SIRPG: variants seen among roughly 807,000 people sequenced by gnomAD.
The protein encoded by SIRPG is signal-regulatory protein gamma.
SIRPG carries 38 observed loss-of-function variants against 35.7 expected under a neutral mutation model. The ratio of observed to expected loss-of-function variants is 1.06; its 90% CI spans 0.82 to 1.40. The LOEUF is 1.40. Ranked by LOEUF, SIRPG falls within the 40% of genes most tolerant of loss-of-function variation. The pLI is 0.00. For missense variants in SIRPG, 519 were observed against 483.0 expected (o/e 1.07, Z -0.70); for synonymous variants, 215 against 190.4 (o/e 1.13, Z -1.06).
the SIRPG span, chr20:1,671,034 AG>A: frequency 2.4e-6 from 1 of 413,542 alleles, no homozygotes; most frequent in Non-Finnish European, 4.9e-6. Flanking sequence ...TTTCTCCTGC[AG>A]GGTCCACGTT....
At chr20:1,675,162 T>A in the SIRPG span, among the ~76,000 whole-genome samples, 3,940 of 152,250 alleles carry the variant, frequency 0.026, 154 homozygotes, top group African/African-American at 0.087. Flanking sequence ...TTGCTTACAG[T>A]GGCCCCACTC....
the SIRPG span, among the ~76,000 whole-genome samples, chr20:1,677,515 C>A: frequency 3.9e-5 from 6 of 152,266 alleles, no homozygotes; most frequent in East Asian, 9.6e-4. Flanking sequence ...CATGCAGAAT[C>A]CCCAACACAC....
At chr20:1,686,375 A>G in the SIRPG span, among the ~76,000 whole-genome samples, 1 of 152,140 alleles carries the variant, frequency 6.6e-6, no homozygotes, top group Non-Finnish European at 1.5e-5. Context: ...AAGGACCAGG[A>G]GGGTGGGGCC....
At chr20:1,675,308 TG>T in the SIRPG span, among the ~76,000 whole-genome samples, 1 of 152,194 alleles carries the variant, frequency 6.6e-6, no homozygotes, top group African/African-American at 2.4e-5. Context: ...CAGCACAACA[TG>T]GGGGAAGAGT....
chr20:1,652,852 T>C (rs1178042385), intron 1 of SIRPG, among the ~76,000 whole-genome samples: 2 of 152,258 alleles, frequency 1.3e-5, no homozygotes, highest in African/African-American at 4.8e-5. Flanking sequence ...TTACTTTTTC[T>C]CTTTTATTCT....
chr20:1,681,382 G>T, the SIRPG span, among the ~76,000 whole-genome samples: 1 of 152,192 alleles, frequency 6.6e-6, no homozygotes, highest in Non-Finnish European at 1.5e-5. Context: ...ACCAATGAAT[G>T]ACCTTGGAAT....
At chr20:1,682,174 G>C in the SIRPG span, among the ~76,000 whole-genome samples, 1 of 152,156 alleles carries the variant, frequency 6.6e-6, no homozygotes, top group African/African-American at 2.4e-5. Flanking sequence ...TGAGGGGTAA[G>C]ATCAGAGAAG....
intron 2 of SIRPG, among the ~76,000 whole-genome samples, chr20:1,642,693 T>C (rs1568730482): frequency 1.3e-5 from 2 of 152,246 alleles, no homozygotes; most frequent in Middle Eastern, 3.2e-3. Flanking sequence ...GGTATGTTTT[T>C]GCAGTGGCTG....
intron 1 of SIRPG, among the ~76,000 whole-genome samples, chr20:1,653,025 C>G (rs932223413): frequency 6.6e-6 from 1 of 152,022 alleles, no homozygotes; most frequent in East Asian, 1.9e-4. Flanking sequence ...AATGAGTTTC[C>G]CATGTAGAGG....
the SIRPG span, among the ~76,000 whole-genome samples, chr20:1,667,212 C>A: frequency 2.0e-5 from 3 of 152,162 alleles, no homozygotes; most frequent in African/African-American, 7.2e-5. Context: ...TGTTTAGATA[C>A]ACAAAAACTA....
the SIRPG span, among the ~76,000 whole-genome samples, chr20:1,668,171 T>TTTTC: frequency 0.023 from 1,437 of 62,730 alleles, 30 homozygotes; most frequent in African/African-American, 0.067. Flanking sequence ...TTTTCTTTTC[T>TTTTC]TTTCTTTCTT....
At chr20:1,655,846 TAG>T (rs1487158311) in intron 1 of SIRPG, among the ~76,000 whole-genome samples, 1 of 151,912 alleles carries the variant, frequency 6.6e-6, no homozygotes, top group African/African-American at 2.4e-5. Flanking sequence ...TCACTGAAAA[TAG>T]AAAGAGAACC....
At position 1,649,377 on chromosome 20, in the gene SIRPG, A is replaced by G. The variant is rs748834939; in HGVS notation, c.105T>C (p.Ile35=). Residue 35 remains isoleucine (I), a synonymous_variant, in exon 2 of 6, where the codon ATT becomes ATC. Coordinates refer to ENST00000303415, the MANE Select transcript of SIRPG (RefSeq NM_018556.4). The stretch of plus-strand genomic sequence containing the variant: ...TGACCAACAGGAGCTTCTCAGGCTG[A>G]ATCATCTGTAGCTCCTCCTCACCTG... ...EVAGEEELQM[I]QPEKLLLVTV... 1.9e-6 allele frequency: 3 copies of G among 1,612,384 alleles called. No individual in the cohort carries two copies. Among genetic ancestry groups the G allele is most frequent in the South Asian group, 2.2e-5 (2 of 90,964 alleles).
intron 5 of SIRPG, among the ~76,000 whole-genome samples, 200 bp downstream of exon 5, chr20:1,630,022 T>C (rs1290003015): frequency 2.6e-5 from 4 of 152,164 alleles, no homozygotes; most frequent in Non-Finnish European, 5.9e-5. Context: ...TTGAACACAT[T>C]TCAAGCATCC....
rs2091802712 is a variant in SIRPG, at chr20:1,636,414, A to C, written c.522T>G (p.Ser174=). Residue 174 remains serine (S), a synonymous_variant, in exon 3 of 6, where the codon TCT becomes TCG. Coordinates refer to ENST00000303415, the MANE Select transcript of SIRPG (RefSeq NM_018556.4). The part of the protein sequence containing the change: ...VSFTCESHGF[S]PRDITLKWFK... ...ACCATTTCAGGGTGATGTCTCTGGGAGAGAAGCCATGGGACTCACAGGTGA... is the reference window on the plus strand; with the variant it reads ...ACCATTTCAGGGTGATGTCTCTGGGCGAGAAGCCATGGGACTCACAGGTGA... 2 of 1,614,188 alleles carry C rather than the reference A, an allele frequency of 1.2e-6. No homozygotes were observed. Among genetic ancestry groups the C allele is most frequent in the East Asian group, 4.5e-5 (2 of 44,886 alleles).
chr20:1,660,282 A>G (rs984231551), upstream of SIRPG, among the ~76,000 whole-genome samples: 1 of 152,218 alleles, frequency 6.6e-6, no homozygotes, highest in African/African-American at 2.4e-5. Flanking sequence ...TATAATAGTA[A>G]GTTAGTAAGC....
chr20:1,649,626 G>GTCC (rs1300739683), intron 1 of SIRPG, among the ~76,000 whole-genome samples: 74 of 101,640 alleles, frequency 7.3e-4, no homozygotes, highest in African/African-American at 2.8e-3. Context: ...GCACAGAGAG[G>GTCC]TTCTTTTTTT....
rs1054694132 is a variant in SIRPG at position 1,642,972 on chromosome 20, C to G, written c.430+6080G>C. On this transcript the variant is annotated intron_variant, in intron 2 of 5. Coordinates refer to ENST00000303415, the MANE Select transcript of SIRPG (RefSeq NM_018556.4). Reference sequence around the variant, plus strand: ...CTGATGGACTTCCCTTTGTAGGTGACCTTGCCTTTCTCTTTGGCTGCCCTT... The same window carrying G: ...CTGATGGACTTCCCTTTGTAGGTGAGCTTGCCTTTCTCTTTGGCTGCCCTT... 5.9e-5 allele frequency among the ~76,000 whole-genome samples: 9 copies of G among 152,150 alleles called. No individual in the cohort carries two copies. In the East Asian group the frequency reaches 1.7e-3, roughly 29 times the overall value.
At chr20:1,669,910 C>T in the SIRPG span, 1 of 190,956 alleles carries the variant, frequency 5.2e-6, no homozygotes, top group Non-Finnish European at 1.2e-5. Context: ...CGGGAGTAAC[C>T]TCACCAAGGG....
Sources: gnomAD v4.1 joint callset for allele counts (sites outside exome capture counted in the v4.1 genomes callset) on GRCh38, gnomAD v4.1.1 for gene constraint, MANE v1.5 for transcripts, NCBI Gene and HGNC (gene_info 2026-07-23, HGNC 2026-07-21) for gene names.